Variants in PCMTD1 observed in about 807,000 individuals in gnomAD.
The protein encoded by PCMTD1 is protein-L-isoaspartate O-methyltransferase domain-containing protein 1.
Under a neutral mutation model 37.6 loss-of-function variants are expected in PCMTD1, and 12 were observed. The ratio of observed to expected loss-of-function variants is 0.32; its 90% CI spans 0.20 to 0.52. The LOEUF (loss-of-function observed/expected upper bound fraction) is 0.52, where lower values mean the gene tolerates loss of function less well. PCMTD1 is among the 20% of genes least tolerant of loss of function. The pLI is 0.97. For missense variants in PCMTD1, 235 were observed against 421.3 expected, an observed-to-expected ratio of 0.56 and a Z score of 3.87; for synonymous variants, 117 against 135.8, an observed-to-expected ratio of 0.86 and a Z score of 0.96.
intron 4 of PCMTD1, 51 bp from the exon 5 acceptor site, chr8:51,831,618 T>C (rs748254731): frequency 1.3e-6 from 2 of 1,562,072 alleles, no homozygotes. Flanking sequence ...CCCAACAATG[T>C]GGTCACCTTA....
chr8:51,847,898 C>T (rs143927978), intron 2 of PCMTD1, among the ~76,000 whole-genome samples: 65 of 146,716 alleles, frequency 4.4e-4, no homozygotes, highest in African/African-American at 1.5e-3. Context: ...GGCAACATGG[C>T]AAGGCTTCGT....
intron 1 of PCMTD1, among the ~76,000 whole-genome samples, chr8:51,861,730 T>A (rs973675507): frequency 2.0e-5 from 3 of 152,046 alleles, no homozygotes; most frequent in South Asian, 4.1e-4. Context: ...TTTTTAATTT[T>A]TTTTTTTTTA....
intron 5 of PCMTD1, among the ~76,000 whole-genome samples, chr8:51,830,613 T>G (rs2037984672): frequency 6.6e-6 from 1 of 152,162 alleles, no homozygotes; most frequent in African/African-American, 2.4e-5. Context: ...GCCTGCCTTT[T>G]TTTCCTATGA....
intron 5 of PCMTD1, among the ~76,000 whole-genome samples, chr8:51,828,941 G>GT (rs1273149738): frequency 2.0e-5 from 3 of 151,978 alleles, no homozygotes; most frequent in Admixed American, 2.0e-4. Flanking sequence ...ATAATCCTTT[G>GT]TTTTTTATCA....
At chr8:51,839,935 G>T (rs1431261702) in intron 3 of PCMTD1, among the ~76,000 whole-genome samples, 2 of 152,086 alleles carry the variant, frequency 1.3e-5, no homozygotes, top group Non-Finnish European at 2.9e-5. Context: ...TAAAACTTCA[G>T]ACTTTTCCAT....
intron 1 of PCMTD1, 149 bp downstream of exon 1, chr8:51,898,781 G>GT (rs2039050249): frequency 1.9e-5 from 14 of 749,100 alleles, no homozygotes; most frequent in Admixed American, 4.7e-5. Context: ...CCCCCGACCT[G>GT]CCCGCCCTTA....
In PCMTD1 at chr8:51,819,081, G is replaced by GT. The variant is rs367609685; in HGVS notation, c.*1269dup. ...AAACAAACAATGGCAGTTACTACCT[G>GT]TTTTTTATCACTGATAAGCTAAAAT... On this transcript the variant is annotated 3_prime_UTR_variant, in exon 6 of 6. Transcript: ENST00000522514. 2.0e-5 allele frequency: 3 copies of GT among 152,176 alleles called. No individual in the cohort carries two copies. The highest frequency in any genetic ancestry group is 2.9e-5 in the Non-Finnish European group (2 of 68,012). The allele number at this position is 152,176 out of a possible 1,614,324, so 9.4% of individuals were successfully genotyped here. A position where few individuals can be genotyped will look rare whatever the true frequency, so the allele number is the denominator to read the frequency against.
intron 3 of PCMTD1, among the ~76,000 whole-genome samples, chr8:51,839,871 G>A (rs1279288004): frequency 6.6e-6 from 1 of 152,020 alleles, no homozygotes; most frequent in South Asian, 2.1e-4. Flanking sequence ...GAAATACTTT[G>A]TCAAAATACA....
At chr8:51,846,355 G>A (rs773227044) in intron 2 of PCMTD1, among the ~76,000 whole-genome samples, 16 of 152,078 alleles carry the variant, frequency 1.1e-4, no homozygotes, top group Non-Finnish European at 1.5e-4. Context: ...TATGCCCATG[G>A]ACGGACTACC....
upstream of PCMTD1, chr8:51,899,107 G>C (rs1030048446): frequency 3.4e-6 from 5 of 1,451,996 alleles, no homozygotes; most frequent in Middle Eastern, 2.4e-4. Flanking sequence ...CCGGGGTCCG[G>C]GCATGCGCAG....
At chr8:51,846,670 C>T (rs1052203089) in intron 2 of PCMTD1, among the ~76,000 whole-genome samples, 5 of 152,158 alleles carry the variant, frequency 3.3e-5, no homozygotes, top group African/African-American at 4.8e-5. Context: ...TGGATGTGCC[C>T]TCTACCAAAT....
At chr8:51,829,322 T>C (rs954095349) in intron 5 of PCMTD1, among the ~76,000 whole-genome samples, 3 of 152,184 alleles carry the variant, frequency 2.0e-5, no homozygotes, top group South Asian at 2.1e-4. Context: ...CACAGAGCCA[T>C]GCAAGCCTCT....
At chr8:51,870,007 T>C (rs1468066540) in intron 1 of PCMTD1, among the ~76,000 whole-genome samples, 2 of 152,184 alleles carry the variant, frequency 1.3e-5, no homozygotes, top group Non-Finnish European at 1.5e-5. Context: ...TACAATATTA[T>C]GGTGTCTCTT....
intron 3 of PCMTD1, chr8:51,839,567 T>C: frequency 1.0e-6 from 1 of 985,444 alleles, no homozygotes; most frequent in Non-Finnish European, 1.2e-6. Flanking sequence ...GATAAGCTGC[T>C]AGGAGATCAG....
Position 51,825,663 on chromosome 8 carries a change from C to T in PCMTD1, c.707-4945G>A, listed in dbSNP as rs538259993. Among the ~76,000 whole-genome samples the T allele has an allele frequency of 3.8e-3, 101 of 26,704 alleles. 14 individuals are homozygous for T. Among genetic ancestry groups the T allele is most frequent in the Admixed American group, 0.014 (14 of 980 alleles). 17.5% of individuals were successfully genotyped at this position (26,704 alleles called of 152,430 possible). ...GAGCCGAGATTGCGCCACTGCAGTC[C>T]GCAGTCCGGCCTGGGCGACAGAGCG... On this transcript the variant is annotated intron_variant, in intron 5 of 5. Transcript: ENST00000522514.
rs2038461665 is a variant in PCMTD1 at position 51,860,884 on chromosome 8, C to T, written c.268G>A (p.Gly90Arg). Residue 90 changes from glycine (G) to arginine (R), a missense_variant, in exon 2 of 6, where the codon GGA becomes AGA. Transcript: ENST00000522514. Reference sequence around the variant, plus strand: ...ACCATTGTACTTAAATATCCGGTTCCACTTCCCAGGTTAAGAAAAGACAAT... The same window carrying T: ...ACCATTGTACTTAAATATCCGGTTCTACTTCCCAGGTTAAGAAAAGACAAT... ...PGLSFLNLGS[G>R]TGYLSTMVGL... 3 of 1,613,444 alleles carry T rather than the reference C, an allele frequency of 1.9e-6. No homozygotes were observed. The highest frequency in any genetic ancestry group is 1.3e-5 in the African/African-American group (1 of 74,892).
At chr8:51,891,748 T>C (rs1449780429) in intron 1 of PCMTD1, among the ~76,000 whole-genome samples, 1 of 150,484 alleles carries the variant, frequency 6.6e-6, no homozygotes, top group African/African-American at 2.4e-5. Flanking sequence ...AGAAATAACC[T>C]GATAAACTAG....
At chr8:51,892,507 G>C (rs1048497912) in intron 1 of PCMTD1, among the ~76,000 whole-genome samples, 1 of 152,186 alleles carries the variant, frequency 6.6e-6, no homozygotes, top group Admixed American at 6.6e-5. Flanking sequence ...GAACCAAAAA[G>C]CCCATTTCAG....
Position 51,818,653 on chromosome 8 carries a change from TAGAA to T in PCMTD1, c.*1694_*1697del, listed in dbSNP as rs1342646160. ...TTTAGTAATCGTCTAAGAATAATTG[TAGAA>T]ATAACCCCAATTCCACCATCCCAGC... On this transcript the variant is annotated 3_prime_UTR_variant, in exon 6 of 6. Transcript: ENST00000522514. 6.6e-6 allele frequency: 1 copy of T among 152,340 alleles called. No homozygotes were observed. The highest frequency in any genetic ancestry group is 1.9e-4 in the East Asian group (1 of 5,210). The allele number at this position is 152,340 out of a possible 1,614,324, so 9.4% of individuals were successfully genotyped here. A position where few individuals can be genotyped will look rare whatever the true frequency, so the allele number is the denominator to read the frequency against.
Sources: gnomAD v4.1 joint callset for allele counts (sites outside exome capture counted in the v4.1 genomes callset) on GRCh38, gnomAD v4.1.1 for gene constraint, MANE v1.5 for transcripts, NCBI Gene and HGNC (gene_info 2026-07-23, HGNC 2026-07-21) for gene names.